Variants in ADRA1A observed in about 807,000 individuals in gnomAD.
ADRA1A encodes alpha-1A adrenergic receptor.
In ADRA1A, 31 loss-of-function variants were observed where a neutral mutation model predicts 29.6. The ratio of observed to expected loss-of-function variants is 1.05; its 90% CI spans 0.79 to 1.41. ADRA1A has a LOEUF of 1.41. ADRA1A is among the 40% of genes most tolerant of loss of function. The pLI, the probability that ADRA1A is intolerant of heterozygous loss-of-function variation, is 0.00. For synonymous variants in ADRA1A, 311 were observed against 254.3 expected, an observed-to-expected ratio of 1.22 and a Z score of -2.12; for missense variants, 619 against 601.1, an observed-to-expected ratio of 1.03 and a Z score of -0.31.
At chr8:26,819,657 C>G (rs1022639073) in intron 2 of ADRA1A, among the ~76,000 whole-genome samples, 3 of 151,900 alleles carry the variant, frequency 2.0e-5, no homozygotes, top group African/African-American at 7.3e-5. Flanking sequence ...TCAAAGCATA[C>G]TACTACAAAA....
At chr8:26,861,303 GTTTTTT>G (rs35538353) in intron 2 of ADRA1A, among the ~76,000 whole-genome samples, 1 of 119,674 alleles carries the variant, frequency 8.4e-6, no homozygotes, top group African/African-American at 3.2e-5. Flanking sequence ...CAGAGGCTCT[GTTTTTT>G]TTTTTTTTTT....
chr8:26,862,541 C>T (rs1042663620), intron 2 of ADRA1A, among the ~76,000 whole-genome samples: 10 of 152,282 alleles, frequency 6.6e-5, no homozygotes, highest in South Asian at 2.1e-4. Flanking sequence ...ACTTGTTGAG[C>T]GAGCACACGC....
chr8:26,838,435 C>A (rs940364395), intron 2 of ADRA1A, among the ~76,000 whole-genome samples: 1 of 152,182 alleles, frequency 6.6e-6, no homozygotes, highest in Non-Finnish European at 1.5e-5. Context: ...AATCTCTATG[C>A]TCTCCAATAA....
intron 2 of ADRA1A, chr8:26,859,068 G>A (rs1193982512): frequency 7.8e-7 from 1 of 1,281,276 alleles, no homozygotes; most frequent in Admixed American, 2.4e-5. Flanking sequence ...AAACATGGGT[G>A]TTTCACTTCT....
At chr8:26,852,152 T>A (rs1263071411) in intron 2 of ADRA1A, among the ~76,000 whole-genome samples, 1 of 152,160 alleles carries the variant, frequency 6.6e-6, no homozygotes, top group African/African-American at 2.4e-5. Context: ...AATCCTTTCC[T>A]GTCTACACAG....
intron 2 of ADRA1A, among the ~76,000 whole-genome samples, chr8:26,781,175 T>C (rs1461066643): frequency 6.6e-6 from 1 of 152,176 alleles, no homozygotes; most frequent in Non-Finnish European, 1.5e-5. Context: ...TTTACTTATT[T>C]CTATTTTTGG....
In ADRA1A at chr8:26,841,093, T is replaced by A. The variant is rs1811786818; in HGVS notation, c.883+22994A>T. 6.6e-6 allele frequency among the ~76,000 whole-genome samples: 1 copy of A among 152,336 alleles called. No individual in the cohort carries two copies. The highest frequency in any genetic ancestry group is 2.1e-4 in the South Asian group (1 of 4,830). On this transcript the variant is annotated intron_variant, in intron 2 of 2. Coordinates refer to ENST00000380573, the MANE Select transcript of ADRA1A (RefSeq NM_000680.4). The surrounding 1 kb of genome is among the most constrained non-coding windows in gnomAD (Gnocchi z 4.4). ...TCCTGGGCCAGTTACTTAACCACCC[T>A]CTACCACAGTTTCCTCAGGTTGGAA...
chr8:26,822,147 A>C (rs188135018), intron 2 of ADRA1A, among the ~76,000 whole-genome samples: 41 of 152,338 alleles, frequency 2.7e-4, no homozygotes, highest in African/African-American at 8.7e-4. Context: ...TTGCATGTTC[A>C]TATTTTTAAG....
chr8:26,763,939 A>G (rs1805640515), downstream of ADRA1A, among the ~76,000 whole-genome samples: 1 of 152,190 alleles, frequency 6.6e-6, no homozygotes, highest in African/African-American at 2.4e-5. This position sits in a 1 kb window ranked among gnomAD's most constrained non-coding sequence, Gnocchi z 4.5. Flanking sequence ...AACTCCTAAT[A>G]TACATTAAAT....
downstream of ADRA1A, among the ~76,000 whole-genome samples, chr8:26,755,174 A>G (rs1805099202): frequency 6.6e-6 from 1 of 151,396 alleles, no homozygotes; most frequent in Admixed American, 6.6e-5. Flanking sequence ...TATTTGTATG[A>G]AGAGAAAGAA....
intron 2 of ADRA1A, among the ~76,000 whole-genome samples, chr8:26,759,207 T>G (rs575863668): frequency 5.3e-5 from 8 of 152,326 alleles, no homozygotes; most frequent in African/African-American, 1.7e-4. Context: ...TGAGGCAGAA[T>G]TTCTGTTGCA....
At chr8:26,859,308 C>A in intron 2 of ADRA1A, 2 of 731,546 alleles carry the variant, frequency 2.7e-6, no homozygotes, top group South Asian at 3.5e-5. Flanking sequence ...ATCTCGTTGA[C>A]GACCCAGCAG....
intron 2 of ADRA1A, among the ~76,000 whole-genome samples, chr8:26,786,745 G>T (rs1031281891): frequency 2.6e-4 from 12 of 46,520 alleles, no homozygotes; most frequent in African/African-American, 1.9e-3. Context: ...ATGCTGGGTT[G>T]GGGGGGGGGG....
At chr8:26,839,563 T>A (rs781469056) in intron 2 of ADRA1A, among the ~76,000 whole-genome samples, 5 of 152,202 alleles carry the variant, frequency 3.3e-5, no homozygotes, top group Non-Finnish European at 7.3e-5. Context: ...TACATGCTAG[T>A]CTCCACCTTG....
chr8:26,795,903 ATAAACT>A (rs1283220080), intron 2 of ADRA1A, among the ~76,000 whole-genome samples: 1 of 152,180 alleles, frequency 6.6e-6, no homozygotes, highest in Non-Finnish European at 1.5e-5. Context: ...TGTACAGGAA[ATAAACT>A]TAGACTTATA....
intron 2 of ADRA1A, among the ~76,000 whole-genome samples, chr8:26,810,593 C>T (rs532899081): frequency 6.6e-6 from 1 of 152,328 alleles, no homozygotes; most frequent in South Asian, 2.1e-4. Context: ...TGAGGCAGCT[C>T]TGGCATGGTC....
chr8:26,811,231 C>G (rs573697029), intron 2 of ADRA1A, among the ~76,000 whole-genome samples: 1 of 149,848 alleles, frequency 6.7e-6, no homozygotes, highest in Non-Finnish European at 1.5e-5. Context: ...CTCGCTCTGT[C>G]GCACAGGCTG....
chr8:26,781,744 T>C (rs1585675913), intron 2 of ADRA1A, among the ~76,000 whole-genome samples: 1 of 152,224 alleles, frequency 6.6e-6, no homozygotes, highest in African/African-American at 2.4e-5. Flanking sequence ...CTCATATTTG[T>C]GGGATTCAAG....
At chr8:26,786,908 TA>T (rs1585688180) in intron 2 of ADRA1A, among the ~76,000 whole-genome samples, 2 of 152,172 alleles carry the variant, frequency 1.3e-5, no homozygotes, top group East Asian at 3.9e-4. Flanking sequence ...TTGTAGTTGT[TA>T]AATAAGTATT....
Sources: allele counts gnomAD v4.1 joint callset (sites outside exome capture counted in the v4.1 genomes callset), GRCh38; gene constraint gnomAD v4.1.1; non-coding constraint Gnocchi (gnomAD v3.1); transcripts MANE v1.5; gene names NCBI Gene and HGNC (gene_info 2026-07-23, HGNC 2026-07-21).